The following SORCS2 variants were observed in gnomAD, a reference collection of about 807,000 sequenced individuals.
The protein encoded by SORCS2 is VPS10 domain-containing receptor SorCS2.
SORCS2 carries 100 observed loss-of-function variants against 141.6 expected under a neutral mutation model. The ratio of observed to expected loss-of-function variants is 0.71; its 90% CI spans 0.60 to 0.83. The LOEUF is 0.83. SORCS2 is among the 40% of genes least tolerant of loss of function. SORCS2 has a pLI of 0.00. For synonymous variants in SORCS2, 789 were observed against 676.9 expected (o/e 1.17, Z -2.57); for missense variants, 1,646 against 1,560.2 (o/e 1.05, Z -0.93).
chr4:7,712,483 G>A (rs1725885985), intron 14 of SORCS2, among the ~76,000 whole-genome samples: 1 of 152,242 alleles, frequency 6.6e-6, no homozygotes, highest in Admixed American at 6.5e-5. Context: ...GACTCACGCA[G>A]TGCAATTGAC....
intron 3 of SORCS2, among the ~76,000 whole-genome samples, chr4:7,589,821 G>A (rs1346667477): frequency 1.3e-5 from 2 of 152,210 alleles, no homozygotes; most frequent in Non-Finnish European, 2.9e-5. Context: ...TAAGTAATGT[G>A]TCTGAGGTCA....
intron 2 of SORCS2, among the ~76,000 whole-genome samples, chr4:7,497,814 C>A (rs1352369946): frequency 1.3e-5 from 2 of 152,274 alleles, no homozygotes; most frequent in Admixed American, 6.5e-5. Context: ...AGATACTGTC[C>A]CCTTTCCAGA....
chr4:7,404,490 G>C (rs990633120), intron 2 of SORCS2, among the ~76,000 whole-genome samples: 2 of 152,000 alleles, frequency 1.3e-5, no homozygotes, highest in Non-Finnish European at 2.9e-5. Flanking sequence ...GAGTTGCACT[G>C]TTCCACATCC....
intron 2 of SORCS2, 26 bp downstream of exon 2, chr4:7,396,381 T>G: frequency 6.2e-7 from 1 of 1,612,414 alleles, no homozygotes; most frequent in Non-Finnish European, 8.5e-7. Flanking sequence ...GGCAGGCCTT[T>G]CTCTTATGCA....
At chr4:7,587,956 T>A (rs1716652185) in intron 3 of SORCS2, among the ~76,000 whole-genome samples, 1 of 152,192 alleles carries the variant, frequency 6.6e-6, no homozygotes, top group African/African-American at 2.4e-5. Context: ...TTTCAGGCCT[T>A]TAAAACCAAT....
At chr4:7,621,596 T>C (rs891606181) in intron 3 of SORCS2, among the ~76,000 whole-genome samples, 3 of 152,094 alleles carry the variant, frequency 2.0e-5, no homozygotes, top group African/African-American at 7.2e-5. Flanking sequence ...TATGTGTGTG[T>C]CTATGTGTGT....
chr4:7,388,709 C>T (rs1034862489), intron 1 of SORCS2, among the ~76,000 whole-genome samples: 5 of 152,094 alleles, frequency 3.3e-5, no homozygotes, highest in Admixed American at 6.5e-5. Flanking sequence ...TTTGAAGTGC[C>T]CTTGACCTCT....
intron 1 of SORCS2, among the ~76,000 whole-genome samples, chr4:7,285,037 T>TATA (rs56045343): frequency 0.096 from 2,942 of 30,590 alleles, 44 homozygotes; most frequent in Middle Eastern, 0.18. Flanking sequence ...TATATATATA[T>TATA]TTTTTTTTTT....
At chr4:7,410,006 C>T (rs1465272207) in intron 2 of SORCS2, among the ~76,000 whole-genome samples, 1 of 152,234 alleles carries the variant, frequency 6.6e-6, no homozygotes, top group East Asian at 1.9e-4. Flanking sequence ...AGCAATGCAG[C>T]GTCCTCTGAC....
At chr4:7,525,589 G>A (rs1052773451) in intron 2 of SORCS2, among the ~76,000 whole-genome samples, 5 of 151,434 alleles carry the variant, frequency 3.3e-5, no homozygotes, top group African/African-American at 9.7e-5. Flanking sequence ...CTGACACCTC[G>A]GGCAGCCCCA....
chr4:7,625,983 T>A (rs77236060), intron 3 of SORCS2, among the ~76,000 whole-genome samples: 3,118 of 151,728 alleles, frequency 0.021, 51 homozygotes, highest in Non-Finnish European at 0.032. Flanking sequence ...TACAAAAAAA[T>A]TAAACAAAAT....
At chr4:7,601,312 A>T (rs773154345) in intron 3 of SORCS2, among the ~76,000 whole-genome samples, 70 of 148,638 alleles carry the variant, frequency 4.7e-4, no homozygotes, top group Non-Finnish European at 8.2e-4. Context: ...ATTAAACCTC[A>T]TTTTTTTTTT....
At chr4:7,245,783 G>A (rs1713042058) in intron 1 of SORCS2, among the ~76,000 whole-genome samples, 1 of 152,164 alleles carries the variant, frequency 6.6e-6, no homozygotes, top group African/African-American at 2.4e-5. Context: ...GTCCCAGCCT[G>A]GGGTTTAGGG....
intron 2 of SORCS2, among the ~76,000 whole-genome samples, chr4:7,475,207 G>A (rs556259878): frequency 3.3e-5 from 5 of 152,238 alleles, no homozygotes; most frequent in South Asian, 2.1e-4. Flanking sequence ...GGGTGCCGCC[G>A]TGCCTGGGAC....
chr4:7,737,865 G>C (rs1015701658), intron 26 of SORCS2, among the ~76,000 whole-genome samples: 1 of 152,214 alleles, frequency 6.6e-6, no homozygotes, highest in Non-Finnish European at 1.5e-5. Flanking sequence ...CTCAAAGCTT[G>C]CCTCACTCAG....
intron 2 of SORCS2, among the ~76,000 whole-genome samples, chr4:7,505,491 C>T (rs1732222644): frequency 6.6e-6 from 1 of 152,150 alleles, no homozygotes; most frequent in South Asian, 2.1e-4. Context: ...AAGTTGAGCC[C>T]AGAGACATCT....
At chr4:7,424,815 G>A (rs958718521) in intron 2 of SORCS2, among the ~76,000 whole-genome samples, 3 of 152,214 alleles carry the variant, frequency 2.0e-5, no homozygotes, top group African/African-American at 7.2e-5. Context: ...ACATGCCCAA[G>A]GAAGGCTGCC....
chr4:7,624,797 C>A (rs910583447), intron 3 of SORCS2, among the ~76,000 whole-genome samples: 1 of 152,270 alleles, frequency 6.6e-6, no homozygotes, highest in Non-Finnish European at 1.5e-5. Flanking sequence ...GGCTTTTTAG[C>A]ATTGTCTGCA....
At chr4:7,208,862 A>G (rs950255175) in intron 1 of SORCS2, among the ~76,000 whole-genome samples, 24 of 152,200 alleles carry the variant, frequency 1.6e-4, no homozygotes, top group African/African-American at 5.5e-4. Flanking sequence ...ACCTGTTTGC[A>G]AGGCCAGCCT....
Sources: gnomAD v4.1 joint callset for allele counts (sites outside exome capture counted in the v4.1 genomes callset) on GRCh38, gnomAD v4.1.1 for gene constraint, MANE v1.5 for transcripts, NCBI Gene and HGNC (gene_info 2026-07-23, HGNC 2026-07-21) for gene names.